Variants in IL17B observed in about 807,000 individuals in gnomAD.
IL17B encodes the protein interleukin-17B.
Under a neutral mutation model 14.7 loss-of-function variants are expected in IL17B, and 14 were observed. The ratio of observed to expected loss-of-function variants is 0.95; its 90% CI spans 0.63 to 1.49. The LOEUF (loss-of-function observed/expected upper bound fraction) is 1.49. Ranked by LOEUF, IL17B falls within the 40% of genes most tolerant of loss-of-function variation. The probability of loss-of-function intolerance (pLI) is 0.00; values close to 1 mark genes in which losing one functional copy is unlikely to be tolerated. For missense variants in IL17B, 233 were observed against 252.8 expected, an observed-to-expected ratio of 0.92 and a Z score of 0.53; for synonymous variants, 105 against 94.8, an observed-to-expected ratio of 1.11 and a Z score of -0.62.
At chr5:149,392,378 A>G (rs1055401283) in intron 1 of IL17B, among the ~76,000 whole-genome samples, 5 of 152,254 alleles carry the variant, frequency 3.3e-5, no homozygotes, top group Non-Finnish European at 7.3e-5. Flanking sequence ...CGTGCAGTGG[A>G]ACCCTATCCA....
intron 1 of IL17B, among the ~76,000 whole-genome samples, chr5:149,403,529 A>G (rs1371042180): frequency 2.0e-5 from 3 of 152,210 alleles, no homozygotes; most frequent in Non-Finnish European, 4.4e-5. Context: ...TTTTATGTTC[A>G]TTGAAGAGAA....
chr5:149,378,620 A>G (rs2227468), intron 1 of IL17B, among the ~76,000 whole-genome samples: 8 of 152,234 alleles, frequency 5.3e-5, no homozygotes, highest in Admixed American at 5.2e-4. Context: ...TCTTGACCCT[A>G]GGAAACAAGT....
chr5:149,378,228 G>A (rs1758597639), intron 1 of IL17B, among the ~76,000 whole-genome samples: 1 of 152,172 alleles, frequency 6.6e-6, no homozygotes, highest in Non-Finnish European at 1.5e-5. Flanking sequence ...ATGAAGCTGG[G>A]GAGATGGGCA....
At chr5:149,385,781 G>A (rs1758815049) in intron 1 of IL17B, among the ~76,000 whole-genome samples, 1 of 152,210 alleles carries the variant, frequency 6.6e-6, no homozygotes, top group Non-Finnish European at 1.5e-5. Context: ...GTGGGTCTGG[G>A]TCTGTTTTGG....
intron 1 of IL17B, among the ~76,000 whole-genome samples, chr5:149,386,019 T>C (rs1055398020): frequency 6.6e-6 from 1 of 152,168 alleles, no homozygotes; most frequent in African/African-American, 2.4e-5. Context: ...TTTTGCAGGT[T>C]GGGTTCAAAG....
intron 1 of IL17B, among the ~76,000 whole-genome samples, chr5:149,394,177 T>A (rs748522162): frequency 6.6e-6 from 1 of 152,286 alleles, no homozygotes; most frequent in South Asian, 2.1e-4. Flanking sequence ...CGCACGAGTG[T>A]AACAGTTACG....
At chr5:149,386,531 T>C (rs1758831572) in intron 1 of IL17B, among the ~76,000 whole-genome samples, 1 of 152,214 alleles carries the variant, frequency 6.6e-6, no homozygotes, top group African/African-American at 2.4e-5. Context: ...GTTGACAAGC[T>C]GCTTCTGGTG....
intron 1 of IL17B, among the ~76,000 whole-genome samples, chr5:149,390,244 A>C (rs890170338): frequency 6.9e-6 from 1 of 144,346 alleles, no homozygotes; most frequent in Non-Finnish European, 1.6e-5. Context: ...CCCTGGGGAA[A>C]GATGGGTCAG....
upstream of IL17B, chr5:149,379,343 G>T: frequency 8.0e-7 from 1 of 1,247,366 alleles, no homozygotes. Context: ...GGGGCTGCTG[G>T]GGGAGTGAGT....
intron 1 of IL17B, among the ~76,000 whole-genome samples, chr5:149,389,843 AATT>A (rs1256213987): frequency 6.6e-6 from 1 of 152,124 alleles, no homozygotes; most frequent in Non-Finnish European, 1.5e-5. Context: ...CCTGGCTTCT[AATT>A]ATAGGATTTG....
intron 1 of IL17B, among the ~76,000 whole-genome samples, chr5:149,384,424 G>A (rs1758778120): frequency 6.6e-6 from 1 of 152,218 alleles, no homozygotes. Flanking sequence ...GGTTTTATAT[G>A]TGCCTGATTT....
rs1230715354 is a variant in IL17B at position 149,374,282 on chromosome 5, A to T, written c.*87T>A. ...ACCCAAAGTCTTGCTTTCAAAAGTCAGTGTTTACTTTTCATAGGCCTTTCT... is the reference window on the plus strand; with the variant it reads ...ACCCAAAGTCTTGCTTTCAAAAGTCTGTGTTTACTTTTCATAGGCCTTTCT... On this transcript the variant is annotated 3_prime_UTR_variant, in exon 3 of 3. Coordinates refer to ENST00000261796, the MANE Select transcript of IL17B (RefSeq NM_014443.3). The surrounding 1 kb of genome is among the most constrained non-coding windows in gnomAD (Gnocchi z 5.0). The T allele has an allele frequency of 1.4e-5, 18 of 1,295,314 alleles. No homozygotes were observed. Among genetic ancestry groups the T allele is most frequent in the Admixed American group, 7.4e-5 (3 of 40,334 alleles). 80.2% of individuals were successfully genotyped at this position (1,295,314 alleles called of 1,614,324 possible). A position where few individuals can be genotyped will look rare whatever the true frequency, so the allele number is the denominator to read the frequency against.
intron 1 of IL17B, among the ~76,000 whole-genome samples, chr5:149,391,778 G>C (rs1327378509): frequency 6.6e-6 from 1 of 152,194 alleles, no homozygotes; most frequent in Non-Finnish European, 1.5e-5. Context: ...GTGTGCAATA[G>C]AGGAGGGTGA....
At chr5:149,375,862 G>C (rs1045444514) in intron 2 of IL17B, among the ~76,000 whole-genome samples, 7 of 152,198 alleles carry the variant, frequency 4.6e-5, no homozygotes, top group Non-Finnish European at 1.0e-4. Flanking sequence ...CTGGGTAACA[G>C]AGTGAGACCC....
chr5:149,376,608 G>A, intron 2 of IL17B, 128 bp downstream of exon 2: 1 of 1,224,056 alleles, frequency 8.2e-7, no homozygotes, highest in South Asian at 1.6e-5. Flanking sequence ...AGGCAAGTAA[G>A]AGGCAGAGCT....
chr5:149,403,713 A>T (rs1203525438), intron 1 of IL17B, among the ~76,000 whole-genome samples: 1 of 151,832 alleles, frequency 6.6e-6, no homozygotes, highest in Non-Finnish European at 1.5e-5. Context: ...AGCCCATACG[A>T]TCTCAGGGCT....
chr5:149,400,404 T>C (rs1759182281), intron 1 of IL17B, among the ~76,000 whole-genome samples: 2 of 152,166 alleles, frequency 1.3e-5, no homozygotes, highest in Non-Finnish European at 2.9e-5. Context: ...ATCTCGGACT[T>C]CTAGCCCCCA....
chr5:149,402,557 A>T (rs1428635229), intron 1 of IL17B, among the ~76,000 whole-genome samples: 30 of 152,086 alleles, frequency 2.0e-4, no homozygotes, highest in Admixed American at 2.0e-3. Context: ...TAGGGAAGAG[A>T]CAACACACAA....
intron 1 of IL17B, among the ~76,000 whole-genome samples, chr5:149,401,338 A>C (rs1464107653): frequency 6.6e-6 from 1 of 152,228 alleles, no homozygotes; most frequent in African/African-American, 2.4e-5. Context: ...TTAAATTTTC[A>C]ATTTTTCACA....
Sources: allele counts gnomAD v4.1 joint callset (sites outside exome capture counted in the v4.1 genomes callset), GRCh38; gene constraint gnomAD v4.1.1; non-coding constraint Gnocchi (gnomAD v3.1); transcripts MANE v1.5; gene names NCBI Gene and HGNC (gene_info 2026-07-23, HGNC 2026-07-21).